Variants in NPAS3 observed in about 807,000 individuals in gnomAD.
The protein encoded by NPAS3 is neuronal PAS domain protein 3.
Under a neutral mutation model 73.1 loss-of-function variants are expected in NPAS3, and 14 were observed. The observed-to-expected ratio is 0.19, with a 90% CI of 0.13 to 0.30. NPAS3 has a LOEUF of 0.30. Ranked by LOEUF, NPAS3 falls within the 10% of genes least tolerant of loss-of-function variation. NPAS3 has a pLI of 1.00. For missense variants in NPAS3, 1,096 were observed against 1,250.0 expected (o/e 0.88, Z 1.86); for synonymous variants, 620 against 541.5 (o/e 1.14, Z -2.01).
Position 33,532,084 on chromosome 14 carries a change from A to G in NPAS3, c.469-28037A>G, listed in dbSNP as rs1247556635. 2.0e-5 allele frequency among the ~76,000 whole-genome samples: 3 copies of G among 152,160 alleles called. No individual in the cohort carries two copies. The East Asian group carries it at 5.8e-4, about 29-fold the overall frequency. On this transcript the variant is annotated intron_variant, in intron 4 of 11. Transcript: ENST00000356141. The stretch of plus-strand genomic sequence containing the variant: ...TCAACTATGTATCCAGGTCTCAATT[A>G]TCTTTGCTAATGCAGGCCCATTCAG...
At chr14:33,161,910 T>C (rs2044903913) in intron 2 of NPAS3, among the ~76,000 whole-genome samples, 1 of 152,216 alleles carries the variant, frequency 6.6e-6, no homozygotes, top group Non-Finnish European at 1.5e-5. Context: ...GGAAGTGACA[T>C]AGGACCTGAG....
At chr14:33,496,786 G>T (rs1313578086) in intron 4 of NPAS3, among the ~76,000 whole-genome samples, 3 of 152,098 alleles carry the variant, frequency 2.0e-5, no homozygotes, top group Non-Finnish European at 2.9e-5. Flanking sequence ...TAGAAAATTG[G>T]CACAAGACAA....
At chr14:33,452,536 G>C (rs903072263) in intron 4 of NPAS3, among the ~76,000 whole-genome samples, 1 of 152,040 alleles carries the variant, frequency 6.6e-6, no homozygotes, top group Non-Finnish European at 1.5e-5. Context: ...ACTTTGTGAG[G>C]CTGAGGCAGG....
intron 9 of NPAS3, among the ~76,000 whole-genome samples, chr14:33,791,185 C>T (rs912925421): frequency 6.6e-6 from 1 of 152,310 alleles, no homozygotes; most frequent in Non-Finnish European, 1.5e-5. Context: ...CAGCCGCCCA[C>T]GGTGGGCTCC....
Position 33,436,177 on chromosome 14 carries a change from G to A in NPAS3, c.468+68909G>A, listed in dbSNP as rs557325270. 2.0e-5 allele frequency among the ~76,000 whole-genome samples: 3 copies of A among 152,176 alleles called. 1 individual carries two copies. In the South Asian group the frequency reaches 6.2e-4, roughly 32 times the overall value. On this transcript the variant is annotated intron_variant, in intron 4 of 11. Coordinates refer to ENST00000356141, the Ensembl canonical transcript of NPAS3. ...GAAAGCATGAAGAATGGGTGATTTC[G>A]AGAGGTGACTCCTTTCTCGTGCATG... is the stretch of plus-strand genomic sequence containing the variant.
chr14:33,103,782 A>T (rs969101714), intron 2 of NPAS3, among the ~76,000 whole-genome samples: 2 of 152,078 alleles, frequency 1.3e-5, no homozygotes, highest in Non-Finnish European at 2.9e-5. Flanking sequence ...TTGTCCGGAG[A>T]TTGTGTCTTC....
intron 1 of NPAS3, among the ~76,000 whole-genome samples, chr14:33,004,425 G>T (rs888293280): frequency 2.6e-5 from 4 of 152,138 alleles, no homozygotes; most frequent in African/African-American, 9.7e-5. Context: ...ACATAGAAAA[G>T]GTCCAGTAAA....
intron 5 of NPAS3, among the ~76,000 whole-genome samples, chr14:33,617,437 C>T (rs923026176): frequency 2.6e-5 from 4 of 152,070 alleles, no homozygotes; most frequent in African/African-American, 9.7e-5. Flanking sequence ...ATGCCACACA[C>T]CCACATTCCC....
intron 2 of NPAS3, among the ~76,000 whole-genome samples, chr14:33,113,275 T>G (rs1296894): frequency 6.6e-6 from 1 of 151,870 alleles, no homozygotes; most frequent in East Asian, 1.9e-4. Context: ...GCCATTTTCA[T>G]GATATTGATT....
At chr14:33,267,848 T>C (rs533447860) in intron 3 of NPAS3, among the ~76,000 whole-genome samples, 17 of 152,250 alleles carry the variant, frequency 1.1e-4, no homozygotes, top group African/African-American at 3.4e-4. Context: ...TCGGCACATA[T>C]TGGGATGAAG....
At chr14:33,074,774 G>A (rs1229704540) in intron 2 of NPAS3, among the ~76,000 whole-genome samples, 2 of 152,108 alleles carry the variant, frequency 1.3e-5, no homozygotes, top group Non-Finnish European at 2.9e-5. Flanking sequence ...ACGTAAATGT[G>A]TTTGCTAAAA....
At chr14:33,077,196 T>G (rs1240130692) in intron 2 of NPAS3, among the ~76,000 whole-genome samples, 3 of 152,148 alleles carry the variant, frequency 2.0e-5, no homozygotes, top group African/African-American at 7.2e-5. Context: ...GAAAGTGGGC[T>G]AGGAAGACCT....
At chr14:33,457,391 C>T (rs990076385) in intron 4 of NPAS3, among the ~76,000 whole-genome samples, 7 of 152,186 alleles carry the variant, frequency 4.6e-5, no homozygotes, top group African/African-American at 1.4e-4. Flanking sequence ...GATTTTACTG[C>T]AAGACCTCAA....
At chr14:33,591,095 C>G (rs1008581913) in intron 5 of NPAS3, among the ~76,000 whole-genome samples, 1 of 152,160 alleles carries the variant, frequency 6.6e-6, no homozygotes, top group African/African-American at 2.4e-5. Context: ...ACTTCATTTT[C>G]TCTACAACTG....
At position 33,488,369 on chromosome 14, in the gene NPAS3, T is replaced by C. The variant is rs117725089; in HGVS notation, c.469-71752T>C. ...GGGCTGGCAACTCTTTTGAGTTTTATGTACAATGGAAAGCATGCAAGTGCT... is the reference window on the plus strand; with the variant it reads ...GGGCTGGCAACTCTTTTGAGTTTTACGTACAATGGAAAGCATGCAAGTGCT... On this transcript the variant is annotated intron_variant, in intron 4 of 11. Coordinates refer to ENST00000356141, the Ensembl canonical transcript of NPAS3. Among the ~76,000 whole-genome samples, 1,313 of 152,024 alleles carry C rather than the reference T, an allele frequency of 8.6e-3. 4 individuals are homozygous for C. The highest frequency in any genetic ancestry group is 0.013 in the Non-Finnish European group (917 of 67,980).
chr14:33,481,085 G>A (rs1347747303), intron 4 of NPAS3, among the ~76,000 whole-genome samples: 1 of 152,066 alleles, frequency 6.6e-6, no homozygotes, highest in Non-Finnish European at 1.5e-5. Context: ...GGTCTAATAA[G>A]GATAGATATA....
intron 2 of NPAS3, among the ~76,000 whole-genome samples, chr14:33,157,226 T>C (rs1182053838): frequency 6.6e-6 from 1 of 152,226 alleles, no homozygotes; most frequent in East Asian, 1.9e-4. Flanking sequence ...GAGATTTTAG[T>C]TACATAAGGT....
chr14:33,655,063 T>G (rs2059105511), intron 5 of NPAS3, among the ~76,000 whole-genome samples: 1 of 152,198 alleles, frequency 6.6e-6, no homozygotes, highest in Admixed American at 6.5e-5. Context: ...ACTGTACGGA[T>G]GAGGAAGATA....
At chr14:33,253,153 G>A (rs935441133) in intron 3 of NPAS3, among the ~76,000 whole-genome samples, 18 of 152,066 alleles carry the variant, frequency 1.2e-4, no homozygotes, top group Non-Finnish European at 2.2e-4. Flanking sequence ...TGGAATTGCC[G>A]GGTCAAACGG....
Sources: allele counts gnomAD v4.1 joint callset (sites outside exome capture counted in the v4.1 genomes callset), GRCh38; gene constraint gnomAD v4.1.1; transcripts MANE v1.5; gene names NCBI Gene and HGNC (gene_info 2026-07-23, HGNC 2026-07-21).